CPSF4L: variants seen among roughly 807,000 people sequenced by gnomAD.
The protein encoded by CPSF4L is putative cleavage and polyadenylation specificity factor subunit 4-like protein.
CPSF4L carries 18 observed loss-of-function variants against 24.0 expected under a neutral mutation model. The ratio of observed to expected loss-of-function variants is 0.75; its 90% confidence interval spans 0.52 to 1.11. The LOEUF (loss-of-function observed/expected upper bound fraction) is 1.11, where lower values mean the gene tolerates loss of function less well. Among genes scored for constraint, CPSF4L ranks in the 50% least tolerant of loss-of-function variants. CPSF4L has a pLI of 0.00. For synonymous variants in CPSF4L, 72 were observed against 77.2 expected, an observed-to-expected ratio of 0.93 and a Z score of 0.35; for missense variants, 211 against 221.8, an observed-to-expected ratio of 0.95 and a Z score of 0.31.
chr17:73,251,173 G>C, intron 5 of CPSF4L: 6 of 1,418,226 alleles, frequency 4.2e-6, no homozygotes, highest in Non-Finnish European at 5.6e-6. Flanking sequence ...CAACTTCACA[G>C]AGGGCCGGGA....
chr17:73,243,471 A>G (rs2061888409), downstream of CPSF4L, among the ~76,000 whole-genome samples: 1 of 151,614 alleles, frequency 6.6e-6, no homozygotes, highest in Non-Finnish European at 1.5e-5. Flanking sequence ...GGGTTTTATT[A>G]GAGGCTTGGT....
intron 5 of CPSF4L, chr17:73,251,117 A>C (rs1408700654): frequency 7.2e-6 from 11 of 1,533,230 alleles, no homozygotes; most frequent in Admixed American, 2.0e-5. Flanking sequence ...GCTGAAGTGC[A>C]GTCGTGAGAA....
the CPSF4L span, chr17:73,242,853 G>A: frequency 6.5e-7 from 1 of 1,534,664 alleles, no homozygotes; most frequent in Non-Finnish European, 8.9e-7. Flanking sequence ...ACTGGCCCTA[G>A]TTTCAGTTGC....
At chr17:73,254,107 C>A (rs1325246531) in intron 3 of CPSF4L, 81 bp from the exon 4 acceptor site, 22 of 1,057,372 alleles carry the variant, frequency 2.1e-5, no homozygotes, top group Non-Finnish European at 2.1e-5. Flanking sequence ...GACCTTGCCC[C>A]TCACAAACAC....
Position 73,252,712 on chromosome 17 carries a change from TAC to T in CPSF4L, c.413_414del (p.Cys138Ter). On this transcript the variant is annotated frameshift_variant, in exon 5 of 6. Transcript: ENST00000344935. LOFTEE classifies it high-confidence loss of function. ...ATTATTCTGGGGACATGGCGGTATT[TAC>T]ACAGAGGACCTGCTGAGCAAAGAGA... ...DQGFCKDGPL[C>X]KYRHVPRIMC... 6.5e-7 allele frequency: 1 copy of T among 1,548,888 alleles called. No homozygotes were observed. The highest frequency in any genetic ancestry group is 1.2e-5 in the South Asian group (1 of 83,826).
downstream of CPSF4L, among the ~76,000 whole-genome samples, chr17:73,246,296 G>A (rs113003194): frequency 2.5e-3 from 381 of 152,262 alleles, 2 homozygotes; most frequent in African/African-American, 8.4e-3. Flanking sequence ...CACTTTGGTA[G>A]GCCAAGGCGG....
intron 5 of CPSF4L, chr17:73,250,264 G>T: frequency 6.4e-7 from 1 of 1,550,684 alleles, no homozygotes; most frequent in Non-Finnish European, 8.7e-7. Flanking sequence ...TATCAGTTGA[G>T]TCTTACTGTA....
intron 4 of CPSF4L, 114 bp downstream of exon 4, chr17:73,253,817 C>G (rs2062014421): frequency 1.6e-6 from 1 of 629,876 alleles, no homozygotes; most frequent in Admixed American, 2.9e-5. Flanking sequence ...GAAAGGCCTT[C>G]TATTTGGGGT....
At chr17:73,245,720 G>T, downstream of CPSF4L, 1 of 985,256 alleles carries the variant, frequency 1.0e-6, no homozygotes, top group East Asian at 1.1e-4. Flanking sequence ...GGGCATTCGA[G>T]TTGCAGGTAA....
At chr17:73,251,826 G>A (rs1274903943) in intron 5 of CPSF4L, among the ~76,000 whole-genome samples, 1 of 152,226 alleles carries the variant, frequency 6.6e-6, no homozygotes, top group Non-Finnish European at 1.5e-5. Flanking sequence ...GAGTGTGTGT[G>A]TCTCTCCATA....
Position 73,253,930 on chromosome 17 carries a change from C to T in CPSF4L, c.403+1G>A, listed in dbSNP as rs1163998516. ...GGGCTCCCTGGCTTCCAAGGCCTCA[C>T]CGTCCTTGCAGAAACCTTGGTCATA... is the stretch of plus-strand genomic sequence containing the variant. On this transcript the variant is annotated splice_donor_variant, in intron 4 of 5. Coordinates refer to ENST00000344935, the MANE Select transcript of CPSF4L (RefSeq NM_001129885.1). LOFTEE classifies it high-confidence loss of function. 1 of 1,549,246 alleles carries T rather than the reference C, an allele frequency of 6.5e-7. No individual in the cohort carries two copies. Among genetic ancestry groups the T allele is most frequent in the Non-Finnish European group, 8.7e-7 (1 of 1,145,000 alleles).
intron 5 of CPSF4L, among the ~76,000 whole-genome samples, chr17:73,251,490 G>C (rs2062005955): frequency 6.6e-6 from 1 of 152,162 alleles, no homozygotes. Context: ...CCAACATTCA[G>C]TCATCTAGAC....
downstream of CPSF4L, chr17:73,248,295 C>T (rs117699711): frequency 0.039 from 22,455 of 577,812 alleles, 554 homozygotes; most frequent in Non-Finnish European, 0.05. Flanking sequence ...GAAGCCAGTA[C>T]GCTTCAGGTG....
chr17:73,256,846 G>A (rs534248936), intron 3 of CPSF4L, among the ~76,000 whole-genome samples: 1 of 152,238 alleles, frequency 6.6e-6, no homozygotes, highest in South Asian at 2.1e-4. Context: ...GGCCAACGTG[G>A]CAAAACCCCG....
chr17:73,260,911 C>A lies in CPSF4L; in HGVS notation c.154+22G>T, dbSNP rs1299089930. 12 of 1,548,448 alleles carry A rather than the reference C, an allele frequency of 7.7e-6. No individual in the cohort carries two copies. In the Admixed American group the frequency reaches 2.0e-4, roughly 25 times the overall value. On this transcript the variant is annotated intron_variant, in intron 2 of 5. Coordinates refer to ENST00000344935, the MANE Select transcript of CPSF4L (RefSeq NM_001129885.1). ...ACCCTACACTCACCCAGCTTGGGGC[C>A]CAGGCCTGTCTGCTAACTCACCTTT...
At chr17:73,250,950 G>T in intron 5 of CPSF4L, 1 of 1,504,104 alleles carries the variant, frequency 6.6e-7, no homozygotes, top group Non-Finnish European at 8.9e-7. Flanking sequence ...CACTAGCCCA[G>T]CCCTGTGGGT....
chr17:73,243,823 G>A (rs144892875), downstream of CPSF4L, among the ~76,000 whole-genome samples: 52 of 152,240 alleles, frequency 3.4e-4, no homozygotes, highest in East Asian at 1.5e-3. Flanking sequence ...ATGAGCCACC[G>A]CACTCAGCCT....
chr17:73,247,242 A>G (rs1317525208), downstream of CPSF4L: 2 of 1,614,002 alleles, frequency 1.2e-6, no homozygotes, highest in African/African-American at 1.3e-5. Flanking sequence ...CCTTTACAGA[A>G]AAATTGTGCC....
chr17:73,242,928 A>T, the CPSF4L span: 1 of 1,613,948 alleles, frequency 6.2e-7, no homozygotes, highest in Non-Finnish European at 8.5e-7. Context: ...CATAAGGAAG[A>T]GTGGATTCGG....
Sources: gnomAD v4.1 joint callset for allele counts (sites outside exome capture counted in the v4.1 genomes callset) on GRCh38, gnomAD v4.1.1 for gene constraint, MANE v1.5 for transcripts, NCBI Gene and HGNC (gene_info 2026-07-23, HGNC 2026-07-21) for gene names.